The following IQCJ variants were observed in gnomAD, a reference collection of about 807,000 sequenced individuals.
IQCJ encodes IQ domain-containing protein J.
IQCJ carries 9 observed loss-of-function variants against 11.0 expected under a neutral mutation model. That is an observed-to-expected ratio of 0.82 (90% CI 0.49 to 1.43). The LOEUF (loss-of-function observed/expected upper bound fraction) is 1.43. Ranked by LOEUF, IQCJ falls within the 40% of genes most tolerant of loss-of-function variation. The pLI is 0.00. For synonymous variants in IQCJ, 55 were observed against 51.3 expected, an observed-to-expected ratio of 1.07 and a Z score of -0.31; for missense variants, 146 against 133.2, an observed-to-expected ratio of 1.10 and a Z score of -0.47.
Position 159,263,233 on chromosome 3 carries a change from G to A in IQCJ, c.*502G>A, listed in dbSNP as rs1472706817. 3 of 332,354 alleles carry A rather than the reference G, an allele frequency of 9.0e-6. No individual in the cohort carries two copies. Among genetic ancestry groups the A allele is most frequent in the Non-Finnish European group, 1.3e-5 (3 of 232,890 alleles). The allele number at this position is 332,354 out of a possible 1,614,324, so 20.6% of individuals were successfully genotyped here. On this transcript the variant is annotated 3_prime_UTR_variant, in exon 4 of 4. Coordinates refer to ENST00000397832, the MANE Select transcript of IQCJ (RefSeq NM_001042706.3). ...CAGCGCACTTGGCTCCTGACAATGT[G>A]ACACCATGTGGCGATACAGGCAGGC...
chr3:159,208,421 C>A (rs1724774545), intron 1 of IQCJ, among the ~76,000 whole-genome samples: 1 of 152,168 alleles, frequency 6.6e-6, no homozygotes, highest in Non-Finnish European at 1.5e-5. Flanking sequence ...TGACAGTATT[C>A]TCTGTGGTAT....
intron 1 of IQCJ, among the ~76,000 whole-genome samples, chr3:159,086,049 G>A (rs1160588884): frequency 6.6e-6 from 1 of 152,150 alleles, no homozygotes; most frequent in African/African-American, 2.4e-5. Context: ...TATGGTTTTA[G>A]ATCTAACATT....
intron 1 of IQCJ, among the ~76,000 whole-genome samples, chr3:159,133,878 G>C (rs1577030510): frequency 6.6e-6 from 1 of 151,536 alleles, no homozygotes; most frequent in East Asian, 2.0e-4. Context: ...TTATTTTTGC[G>C]AGTCAAGAGT....
At chr3:159,210,096 A>T (rs1012209032) in intron 1 of IQCJ, among the ~76,000 whole-genome samples, 2 of 152,202 alleles carry the variant, frequency 1.3e-5, no homozygotes, top group African/African-American at 2.4e-5. Flanking sequence ...AGGGCCTGCC[A>T]TGATCTGAAG....
chr3:159,172,890 C>A (rs1261072066), intron 1 of IQCJ, among the ~76,000 whole-genome samples: 1 of 152,110 alleles, frequency 6.6e-6, no homozygotes, highest in Non-Finnish European at 1.5e-5. Flanking sequence ...TAAGAAACTC[C>A]ATTTATATCC....
intron 1 of IQCJ, among the ~76,000 whole-genome samples, chr3:159,102,100 T>C (rs929983331): frequency 6.6e-6 from 1 of 152,224 alleles, no homozygotes; most frequent in African/African-American, 2.4e-5. Flanking sequence ...AAAAGCATGT[T>C]CACCTAAAAT....
At chr3:159,251,869 CT>C (rs1727622413) in intron 2 of IQCJ, among the ~76,000 whole-genome samples, 2 of 152,040 alleles carry the variant, frequency 1.3e-5, no homozygotes, top group Non-Finnish European at 2.9e-5. Context: ...GGGAAAGTGA[CT>C]TAGTTAATGG....
At chr3:159,096,316 G>A (rs962576807) in intron 1 of IQCJ, among the ~76,000 whole-genome samples, 1 of 150,708 alleles carries the variant, frequency 6.6e-6, no homozygotes, top group South Asian at 2.1e-4. Flanking sequence ...TTTATAGGTT[G>A]CCTGTTCACT....
intron 1 of IQCJ, among the ~76,000 whole-genome samples, chr3:159,140,289 G>A (rs1720528151): frequency 6.6e-6 from 1 of 152,148 alleles, no homozygotes; most frequent in African/African-American, 2.4e-5. Context: ...TTTTTAAATA[G>A]CAATGATAAA....
chr3:159,126,302 T>C (rs1261713994), intron 1 of IQCJ, among the ~76,000 whole-genome samples: 1 of 152,096 alleles, frequency 6.6e-6, no homozygotes, highest in East Asian at 1.9e-4. Context: ...AATTCTTACC[T>C]CTTAGGGCTG....
intron 1 of IQCJ, among the ~76,000 whole-genome samples, chr3:159,084,834 T>TG (rs1175510386): frequency 6.6e-6 from 1 of 152,046 alleles, no homozygotes; most frequent in African/African-American, 2.4e-5. Context: ...TGAGTCTTGA[T>TG]GGGGATTTAC....
At chr3:159,110,392 AC>A (rs1156280190) in intron 1 of IQCJ, among the ~76,000 whole-genome samples, 1 of 152,134 alleles carries the variant, frequency 6.6e-6, no homozygotes, top group Non-Finnish European at 1.5e-5. Flanking sequence ...TATACTTTGT[AC>A]CTTTGCATCT....
At chr3:159,253,556 T>A (rs1727722667) in intron 3 of IQCJ, among the ~76,000 whole-genome samples, 1 of 151,940 alleles carries the variant, frequency 6.6e-6, no homozygotes, top group South Asian at 2.1e-4. Context: ...GAAGCATATA[T>A]GAGAAATGCC....
intron 1 of IQCJ, among the ~76,000 whole-genome samples, chr3:159,235,993 G>A: frequency 6.6e-6 from 1 of 152,164 alleles, no homozygotes; most frequent in East Asian, 1.9e-4. Context: ...TAAGATCACA[G>A]TCCCTCTGAA....
At chr3:159,173,964 T>A (rs375909643) in intron 1 of IQCJ, among the ~76,000 whole-genome samples, 1 of 152,152 alleles carries the variant, frequency 6.6e-6, no homozygotes, top group Non-Finnish European at 1.5e-5. Flanking sequence ...ATATGTATCT[T>A]AATTCTTTCA....
chr3:159,200,329 A>G (rs1724255850), intron 1 of IQCJ, among the ~76,000 whole-genome samples: 1 of 151,960 alleles, frequency 6.6e-6, no homozygotes, highest in Non-Finnish European at 1.5e-5. Context: ...GTGGAGGAGA[A>G]GCAATTAACC....
chr3:159,074,183 T>C (rs1715765526), intron 1 of IQCJ, among the ~76,000 whole-genome samples: 1 of 152,044 alleles, frequency 6.6e-6, no homozygotes, highest in African/African-American at 2.4e-5. Context: ...TGAAGGTGAA[T>C]GAGGCTGTGA....
At chr3:159,207,960 G>A (rs781278077) in intron 1 of IQCJ, among the ~76,000 whole-genome samples, 2 of 152,294 alleles carry the variant, frequency 1.3e-5, no homozygotes, top group South Asian at 4.2e-4. Context: ...ATAGTTTGGA[G>A]GCAATTAGGG....
chr3:159,160,318 T>C (rs978656556), intron 1 of IQCJ, among the ~76,000 whole-genome samples: 1 of 152,004 alleles, frequency 6.6e-6, no homozygotes, highest in Non-Finnish European at 1.5e-5. Flanking sequence ...TTTTTTCTTT[T>C]TTGAGATGGA....
Sources: allele counts gnomAD v4.1 joint callset (sites outside exome capture counted in the v4.1 genomes callset), GRCh38; gene constraint gnomAD v4.1.1; transcripts MANE v1.5; gene names NCBI Gene and HGNC (gene_info 2026-07-23, HGNC 2026-07-21).